C17orf67: variants seen among roughly 807,000 people sequenced by gnomAD.
C17orf67 encodes the protein chromosome 17 open reading frame 67.
Under a neutral mutation model 11.2 loss-of-function variants are expected in C17orf67, and 12 were observed. That is an observed-to-expected ratio of 1.07 (90% confidence interval 0.68 to 1.73). C17orf67 has a LOEUF of 1.73. Ranked by LOEUF, C17orf67 falls within the 40% of genes most tolerant of loss-of-function variation. The pLI, the probability that C17orf67 is intolerant of heterozygous loss-of-function variation, is 0.00. For missense variants in C17orf67, 115 were observed against 113.5 expected, an observed-to-expected ratio of 1.01 and a Z score of -0.06; for synonymous variants, 59 against 46.9, an observed-to-expected ratio of 1.26 and a Z score of -1.05.
intron 5 of C17orf67, 55 bp downstream of exon 5, chr17:56,815,701 A>G (rs957198728): frequency 4.6e-5 from 66 of 1,446,002 alleles, no homozygotes; most frequent in Non-Finnish European, 6.0e-5. Flanking sequence ...TATCAAATAG[A>G]CTATTATTTA....
chr17:56,815,921 C>T lies in C17orf67; in HGVS notation c.-111G>A. On this transcript the variant is annotated 5_prime_UTR_variant, in exon 5 of 8. Coordinates refer to ENST00000397861, the MANE Select transcript of C17orf67 (RefSeq NM_001085430.4). ...CTTGTTTATGCTTTGACTAACGGGA[C>T]TTACGGTATGATGCTGAATGTATCT... 6.3e-7 allele frequency: 1 copy of T among 1,578,772 alleles called. No homozygotes were observed. The highest frequency in any genetic ancestry group is 8.6e-7 in the Non-Finnish European group (1 of 1,159,346).
chr17:56,807,130 A>G (rs909578168), intron 6 of C17orf67, among the ~76,000 whole-genome samples: 1 of 152,212 alleles, frequency 6.6e-6, no homozygotes, highest in Non-Finnish European at 1.5e-5. Flanking sequence ...TTAAAGCCAC[A>G]TGGAGGGCAG....
At chr17:56,801,069 T>C (rs1251123227) in intron 6 of C17orf67, among the ~76,000 whole-genome samples, 1 of 152,248 alleles carries the variant, frequency 6.6e-6, no homozygotes, top group African/African-American at 2.4e-5. Flanking sequence ...AAAAAACTTG[T>C]TCTTTTATGT....
intron 6 of C17orf67, among the ~76,000 whole-genome samples, chr17:56,796,190 G>C (rs1210890136): frequency 6.6e-6 from 1 of 152,096 alleles, no homozygotes; most frequent in Non-Finnish European, 1.5e-5. Context: ...TGTACTTGTA[G>C]GTATATACCC....
chr17:56,821,262 GC>G (rs1328599801), intron 4 of C17orf67, among the ~76,000 whole-genome samples: 1 of 151,848 alleles, frequency 6.6e-6, no homozygotes, highest in Non-Finnish European at 1.5e-5. Context: ...CATTTTTTAG[GC>G]CCAGGGTAAA....
chr17:56,812,915 G>A lies in C17orf67; in HGVS notation c.156+1954C>T, dbSNP rs559022001. ...GCCTGGCAACAACAGTTGCAACAAC[G>A]GGCTGCAGCAATTCAAACCCACCTG... On this transcript the variant is annotated intron_variant, in intron 6 of 7. Transcript: ENST00000397861. 1.1e-4 allele frequency among the ~76,000 whole-genome samples: 16 copies of A among 152,184 alleles called. 1 individual carries two copies. In the East Asian group the frequency reaches 1.4e-3, roughly 13 times the overall value.
chr17:56,824,489 C>T (rs776704474), intron 4 of C17orf67, among the ~76,000 whole-genome samples: 12 of 152,180 alleles, frequency 7.9e-5, no homozygotes, highest in Non-Finnish European at 1.5e-4. Flanking sequence ...CTCCCATGTC[C>T]CCATTCCCAC....
At chr17:56,820,810 A>T (rs904478408) in intron 4 of C17orf67, among the ~76,000 whole-genome samples, 1 of 139,806 alleles carries the variant, frequency 7.2e-6, no homozygotes, top group Non-Finnish European at 1.5e-5. Flanking sequence ...GTCCCATTAC[A>T]CAGATATTTA....
At chr17:56,801,651 C>T (rs1014492606) in intron 6 of C17orf67, among the ~76,000 whole-genome samples, 2 of 152,076 alleles carry the variant, frequency 1.3e-5, no homozygotes, top group Non-Finnish European at 2.9e-5. Flanking sequence ...GGGTAGAGGG[C>T]AGATGGTGAG....
At chr17:56,802,105 T>G (rs1905336846) in intron 6 of C17orf67, among the ~76,000 whole-genome samples, 1 of 152,228 alleles carries the variant, frequency 6.6e-6, no homozygotes, top group Non-Finnish European at 1.5e-5. Flanking sequence ...AATAAAGTTT[T>G]GTGCCAAATA....
chr17:56,831,336 C>G (rs563587209), intron 2 of C17orf67, among the ~76,000 whole-genome samples: 1 of 152,112 alleles, frequency 6.6e-6, no homozygotes, highest in East Asian at 1.9e-4. Context: ...CTGTGAGCAT[C>G]TCCCTGAGGG....
In C17orf67 at chr17:56,827,836, C is replaced by T. The variant is rs116651877; in HGVS notation, c.-556-2515G>A. ...TAGTCAATGTATTAGGAATGGACTC[C>T]GTGTAACGTGGGCATGGAGTATTTA... is the stretch of plus-strand genomic sequence containing the variant. On this transcript the variant is annotated intron_variant, in intron 2 of 7. Coordinates refer to ENST00000397861, the MANE Select transcript of C17orf67 (RefSeq NM_001085430.4). Among the ~76,000 whole-genome samples, 962 of 152,312 alleles carry T rather than the reference C, an allele frequency of 6.3e-3. 13 individuals are homozygous for T. Among genetic ancestry groups the T allele is most frequent in the African/African-American group, 0.022 (913 of 41,566 alleles).
At chr17:56,823,447 AAAAT>A (rs780827949) in intron 4 of C17orf67, among the ~76,000 whole-genome samples, 3 of 152,216 alleles carry the variant, frequency 2.0e-5, no homozygotes, top group African/African-American at 7.2e-5. Context: ...GCAATTGGAG[AAAAT>A]AAATAAATAA....
intron 6 of C17orf67, among the ~76,000 whole-genome samples, chr17:56,798,643 C>G (rs977962946): frequency 6.8e-6 from 1 of 146,780 alleles, no homozygotes; most frequent in African/African-American, 2.5e-5. Flanking sequence ...GCCTGGGCGA[C>G]GTGGTGAAAC....
chr17:56,816,884 C>G (rs987037412), intron 4 of C17orf67, among the ~76,000 whole-genome samples: 1 of 152,156 alleles, frequency 6.6e-6, no homozygotes, highest in African/African-American at 2.4e-5. Context: ...AGATGGGGGT[C>G]TCACTCTGGG....
At chr17:56,810,626 G>C (rs1482117921) in intron 6 of C17orf67, among the ~76,000 whole-genome samples, 1 of 152,200 alleles carries the variant, frequency 6.6e-6, no homozygotes, top group Admixed American at 6.5e-5. Context: ...AAAAGGCAAA[G>C]AGCCAGAAGG....
At chr17:56,832,632 CCTTCA>C (rs1254601784) in intron 2 of C17orf67, among the ~76,000 whole-genome samples, 1 of 152,168 alleles carries the variant, frequency 6.6e-6, no homozygotes, top group African/African-American at 2.4e-5. Context: ...ACTGACCCAC[CCTTCA>C]CAAGTTTCAC....
At chr17:56,830,868 G>GA (rs1906180098) in intron 2 of C17orf67, among the ~76,000 whole-genome samples, 2 of 152,178 alleles carry the variant, frequency 1.3e-5, no homozygotes, top group Non-Finnish European at 2.9e-5. Context: ...CCTCTGTCGG[G>GA]AGGGAGCACC....
chr17:56,825,957 G>GTC, intron 2 of C17orf67, among the ~76,000 whole-genome samples: 1 of 98,030 alleles, frequency 1.0e-5, no homozygotes, highest in South Asian at 3.2e-4. Context: ...GTGTGTGTGT[G>GTC]TGTGCACGCG....
Sources: gnomAD v4.1 joint callset for allele counts (sites outside exome capture counted in the v4.1 genomes callset) on GRCh38, gnomAD v4.1.1 for gene constraint, MANE v1.5 for transcripts, NCBI Gene and HGNC (gene_info 2026-07-23, HGNC 2026-07-21) for gene names.